Variants in TJP2 observed in about 807,000 individuals in gnomAD.
TJP2 encodes the protein tight junction protein 2, also known as Friedreich ataxia region gene X104 (tight junction protein ZO-2).
A neutral mutation model predicts 133.1 loss-of-function variants in TJP2; 91 were observed. The ratio of observed to expected loss-of-function variants is 0.68; its 90% CI spans 0.58 to 0.81. TJP2 has a LOEUF of 0.81. Ranked by LOEUF, TJP2 falls within the 40% of genes least tolerant of loss-of-function variation. TJP2 has a pLI of 0.00. For missense variants in TJP2, 1,541 were observed against 1,565.6 expected (o/e 0.98, Z 0.26); for synonymous variants, 592 against 583.4 (o/e 1.01, Z -0.21).
chr9:69,179,511 C>CTTT (rs563179558), intron 1 of TJP2, among the ~76,000 whole-genome samples: 1,519 of 139,078 alleles, frequency 0.011, 25 homozygotes, highest in African/African-American at 0.037. Context: ...CTTTTTCTTT[C>CTTT]TTTTTTTTTT....
intron 2 of TJP2, among the ~76,000 whole-genome samples, chr9:69,215,390 GT>G (rs547985228): frequency 2.0e-5 from 3 of 149,472 alleles, no homozygotes; most frequent in East Asian, 2.0e-4. Flanking sequence ...GAAAGTTGTG[GT>G]TTTTTTTTTT....
chr9:69,206,049 A>G (rs1434063862), intron 1 of TJP2, among the ~76,000 whole-genome samples: 2 of 152,224 alleles, frequency 1.3e-5, no homozygotes, highest in East Asian at 3.8e-4. Context: ...TTGTCACACA[A>G]AAACCTTACT....
Position 69,237,224 on chromosome 9 carries a change from A to G in TJP2, c.2179+88A>G, listed in dbSNP as rs990831507. The stretch of plus-strand genomic sequence containing the variant: ...TTTCAGACTGTATGGTCAAGTTCTA[A>G]CTTATGTATGTCAGTTATGCCAAAG... On this transcript the variant is annotated intron_variant, in intron 14 of 22. Transcript: ENST00000377245. 5 of 1,482,856 alleles carry G rather than the reference A, an allele frequency of 3.4e-6. No homozygotes were observed. The Admixed American group carries it at 8.4e-5, about 25-fold the overall frequency. 91.9% of individuals were successfully genotyped at this position (1,482,856 alleles called of 1,614,324 possible).
chr9:69,159,545 C>T (rs1402107860), intron 2 of TJP2, among the ~76,000 whole-genome samples: 1 of 152,122 alleles, frequency 6.6e-6, no homozygotes. Context: ...GTTAAAGTTA[C>T]ATTTGTCTCT....
rs1458723547 is a variant in TJP2 at position 69,189,494 on chromosome 9, G to A, written c.60+15062G>A. ...TTGCTGAGTGTGGTGGCATATGCCT[G>A]TGGTCCCAACTACTTGGAGACTGAG... On this transcript the variant is annotated intron_variant, in intron 1 of 22. Coordinates refer to ENST00000377245, the MANE Select transcript of TJP2 (RefSeq NM_004817.4). Among the ~76,000 whole-genome samples, 5 of 152,122 alleles carry A rather than the reference G, an allele frequency of 3.3e-5. No homozygotes were observed. In the South Asian group the frequency reaches 6.2e-4, roughly 19 times the overall value.
chr9:69,164,790 G>C (rs1417099459), intron 2 of TJP2, among the ~76,000 whole-genome samples: 2 of 152,126 alleles, frequency 1.3e-5, no homozygotes, highest in Non-Finnish European at 2.9e-5. Flanking sequence ...CGGAAAGCCG[G>C]GAAGTGAATG....
intron 1 of TJP2, among the ~76,000 whole-genome samples, chr9:69,186,502 G>T (rs1414128343): frequency 1.3e-5 from 2 of 152,178 alleles, no homozygotes; most frequent in Admixed American, 6.5e-5. Context: ...GACAGAATTT[G>T]GTTTTATCTC....
chr9:69,212,566 C>G lies in TJP2; in HGVS notation c.79C>G (p.Leu27Val), dbSNP rs145628692. ...GWLRAPGMEE[L>V]IWEQYTVTLQ... Reference sequence around the variant, plus strand: ...AAAACAGGCCCCAGGCATGGAAGAGCTGATATGGGAACAGTACACTGTGAC... The same window carrying G: ...AAAACAGGCCCCAGGCATGGAAGAGGTGATATGGGAACAGTACACTGTGAC... Residue 27 changes from leucine (L) to valine (V), a missense_variant, in exon 2 of 23, where the codon CTG (leucine) becomes GTG (valine). Leu to Val is a conservative substitution (Grantham distance 32). Transcript: ENST00000377245. The G allele has an allele frequency of 2.9e-5, 46 of 1,613,138 alleles. No homozygotes were observed. In the African/African-American group the frequency reaches 5.2e-4, roughly 18 times the overall value.
intron 17 of TJP2, among the ~76,000 whole-genome samples, chr9:69,240,777 G>A (rs984443093): frequency 1.3e-5 from 2 of 151,746 alleles, no homozygotes. Context: ...ACTCCTGCCT[G>A]GTGACTGAGT....
chr9:69,164,547 C>T (rs991575881), intron 2 of TJP2, among the ~76,000 whole-genome samples: 4 of 152,148 alleles, frequency 2.6e-5, no homozygotes, highest in South Asian at 4.2e-4. Flanking sequence ...AGGATTCTCT[C>T]GTTGGAGTCA....
chr9:69,254,384 C>T lies in TJP2; in HGVS notation c.*10C>T. On this transcript the variant is annotated 3_prime_UTR_variant, in exon 23 of 23. Transcript: ENST00000377245. ...GGACACAGAATTATAGATGTCTGAG[C>T]ACGGACTCTCCCAGGCCTGCCTGCA... is the stretch of plus-strand genomic sequence containing the variant. 6.2e-7 allele frequency: 1 copy of T among 1,614,052 alleles called. No homozygotes were observed. The highest frequency in any genetic ancestry group is 8.5e-7 in the Non-Finnish European group (1 of 1,180,044).
intron 1 of TJP2, among the ~76,000 whole-genome samples, chr9:69,134,708 G>C (rs552603096): frequency 6.6e-6 from 1 of 152,208 alleles, no homozygotes; most frequent in African/African-American, 2.4e-5. Flanking sequence ...CTGGGCCTAC[G>C]ACCTGTGTCT....
At chr9:69,153,147 C>G (rs998383933) in intron 2 of TJP2, among the ~76,000 whole-genome samples, 2 of 151,926 alleles carry the variant, frequency 1.3e-5, no homozygotes, top group Non-Finnish European at 2.9e-5. Context: ...GTGGGAGGAT[C>G]GCTTGAGCCC....
exon 2 of TJP2, chr9:69,151,714 C>G: frequency 1.6e-6 from 2 of 1,232,114 alleles, no homozygotes; most frequent in Non-Finnish European, 2.0e-6. Context: ...GCTGCAGCTC[C>G]AGGAGCAAGT....
At chr9:69,214,613 A>C (rs1828207639) in intron 2 of TJP2, among the ~76,000 whole-genome samples, 2 of 152,164 alleles carry the variant, frequency 1.3e-5, no homozygotes, top group South Asian at 4.1e-4. Context: ...TCACGCCTGT[A>C]ATCCCCACAC....
intron 6 of TJP2, 78 bp from the exon 7 acceptor site, chr9:69,225,944 T>G: frequency 6.6e-7 from 1 of 1,518,678 alleles, no homozygotes; most frequent in Non-Finnish European, 9.1e-7. Flanking sequence ...GCCTTTACAT[T>G]TTTAGAAGGG....
rs1830177116 is a variant in TJP2, at chr9:69,236,202, A to G, written c.1955A>G (p.Asn652Ser). The G allele has an allele frequency of 1.2e-6, 2 of 1,614,042 alleles. No individual in the cohort carries two copies. The highest frequency in any genetic ancestry group is 1.7e-5 in the Admixed American group (1 of 60,018). Residue 652 changes from asparagine to serine, a missense_variant, in exon 13 of 23, where the codon AAC becomes AGC. Coordinates refer to ENST00000377245, the MANE Select transcript of TJP2 (RefSeq NM_004817.4). ...LGNWLAVRIGNELEKGLIPNK... is the reference protein window; with the variant it reads ...LGNWLAVRIGSELEKGLIPNK... Reference sequence around the variant, plus strand: ...AACTGGCTGGCTGTGAGGATTGGGAACGAGTTGGAGAAAGGCTTAATCCCC... The same window carrying G: ...AACTGGCTGGCTGTGAGGATTGGGAGCGAGTTGGAGAAAGGCTTAATCCCC...
chr9:69,185,215 C>T (rs531359745), intron 1 of TJP2, among the ~76,000 whole-genome samples: 2 of 152,150 alleles, frequency 1.3e-5, no homozygotes, highest in African/African-American at 4.8e-5. Context: ...GTGGGTGCCA[C>T]CACACCCGGC....
intron 2 of TJP2, among the ~76,000 whole-genome samples, chr9:69,168,434 A>C (rs529275740): frequency 6.6e-6 from 1 of 152,188 alleles, no homozygotes; most frequent in South Asian, 2.1e-4. Flanking sequence ...AGGATCTGGG[A>C]AGTGTACAAG....
Sources: gnomAD v4.1 joint callset for allele counts (sites outside exome capture counted in the v4.1 genomes callset) on GRCh38, gnomAD v4.1.1 for gene constraint, MANE v1.5 for transcripts, NCBI Gene and HGNC (gene_info 2026-07-23, HGNC 2026-07-21) for gene names.